The following FILIP1L variants were observed in gnomAD, a reference collection of about 807,000 sequenced individuals.
FILIP1L encodes filamin A-interacting protein 1-like.
FILIP1L carries 55 observed loss-of-function variants against 96.6 expected under a neutral mutation model. The ratio of observed to expected loss-of-function variants is 0.57; its 90% CI spans 0.46 to 0.71. The LOEUF (loss-of-function observed/expected upper bound fraction) is 0.71. Among genes scored for constraint, FILIP1L ranks in the 30% least tolerant of loss-of-function variants. The pLI, the probability that FILIP1L is intolerant of heterozygous loss-of-function variation, is 0.00. For synonymous variants in FILIP1L, 467 were observed against 473.9 expected, an observed-to-expected ratio of 0.99 and a Z score of 0.19; for missense variants, 1,304 against 1,321.2, an observed-to-expected ratio of 0.99 and a Z score of 0.20.
chr3:99,909,935 T>C (rs754342234), intron 4 of FILIP1L, among the ~76,000 whole-genome samples: 3 of 138,634 alleles, frequency 2.2e-5, no homozygotes, highest in Non-Finnish European at 5.0e-5. Context: ...ACAAGAGCTG[T>C]TGTCATCTGA....
In FILIP1L at chr3:100,039,057, GA is replaced by G. The variant is rs200686065; in HGVS notation, c.-11+74995del. Among the ~76,000 whole-genome samples the G allele has an allele frequency of 4.6e-3, 703 of 152,242 alleles. 5 individuals carry two copies. The highest frequency in any genetic ancestry group is 0.016 in the African/African-American group (670 of 41,538). On this transcript the variant is annotated intron_variant, in intron 1 of 5. Coordinates refer to ENST00000477258, the MANE Select transcript of FILIP1L (RefSeq NM_001387850.1). ...ATTAATTCAGCAATAACAGATGTTG[GA>G]AAAACTCCTAAATTTAATGCTTATA... is the stretch of plus-strand genomic sequence containing the variant.
At chr3:99,836,223 T>C (rs922521799) in intron 5 of FILIP1L, among the ~76,000 whole-genome samples, 7 of 152,110 alleles carry the variant, frequency 4.6e-5, no homozygotes, top group African/African-American at 1.7e-4. Context: ...GGAGTAGTAG[T>C]ACAAATAAGT....
chr3:99,882,409 A>G (rs1340289328), intron 4 of FILIP1L, among the ~76,000 whole-genome samples: 2 of 152,214 alleles, frequency 1.3e-5, no homozygotes, highest in Non-Finnish European at 2.9e-5. Flanking sequence ...GTAAGACTAA[A>G]TCTTCCACTT....
intron 1 of FILIP1L, among the ~76,000 whole-genome samples, chr3:100,021,960 T>TGTGTGTGTGAGAGAGA (rs1321185364): frequency 1.1e-5 from 1 of 93,290 alleles, no homozygotes; most frequent in South Asian, 4.4e-4. Flanking sequence ...TGTGTGTGTG[T>TGTGTGTGTGAGAGAGA]GAGAGAGAGA....
At chr3:99,942,896 G>C (rs916231310) in intron 1 of FILIP1L, among the ~76,000 whole-genome samples, 2 of 152,046 alleles carry the variant, frequency 1.3e-5, no homozygotes, top group Admixed American at 6.6e-5. Context: ...ATGGGGGAAA[G>C]GGGAGAAAAG....
chr3:99,854,481 G>A (rs1943856889), intron 4 of FILIP1L, among the ~76,000 whole-genome samples: 1 of 152,088 alleles, frequency 6.6e-6, no homozygotes, highest in South Asian at 2.1e-4. Context: ...GTCAAATTAT[G>A]ACTCCTTTTT....
chr3:99,885,189 C>T (rs1181885792), intron 4 of FILIP1L, among the ~76,000 whole-genome samples: 3 of 152,200 alleles, frequency 2.0e-5, no homozygotes, highest in Non-Finnish European at 2.9e-5. Flanking sequence ...CACACAGAAG[C>T]AGCCTTCAGT....
chr3:100,092,968 A>G (rs936297187), intron 1 of FILIP1L, among the ~76,000 whole-genome samples: 8 of 152,000 alleles, frequency 5.3e-5, no homozygotes, highest in Non-Finnish European at 7.4e-5. Flanking sequence ...CTCACTACCT[A>G]TGGATCCAGC....
intron 1 of FILIP1L, among the ~76,000 whole-genome samples, chr3:99,985,387 C>T (rs1709308034): frequency 6.6e-6 from 1 of 151,912 alleles, no homozygotes; most frequent in Non-Finnish European, 1.5e-5. Flanking sequence ...GAAAAATTAG[C>T]TGGGCATGGT....
intron 5 of FILIP1L, among the ~76,000 whole-genome samples, chr3:99,846,880 G>A (rs145095771): frequency 3.9e-5 from 6 of 152,238 alleles, no homozygotes; most frequent in African/African-American, 1.4e-4. Context: ...TTAGAAAAAG[G>A]GAAATGGCAA....
chr3:99,992,464 CT>C (rs1709552532), intron 1 of FILIP1L, among the ~76,000 whole-genome samples: 1 of 151,862 alleles, frequency 6.6e-6, no homozygotes, highest in Non-Finnish European at 1.5e-5. Flanking sequence ...GCTTGTATGT[CT>C]TCTTTTGAAA....
chr3:100,046,426 CT>C (rs77328793), intron 1 of FILIP1L, among the ~76,000 whole-genome samples: 1,782 of 142,896 alleles, frequency 0.012, 18 homozygotes, highest in South Asian at 0.037. Context: ...AGTAAACAAC[CT>C]TTTTTTTTTT....
intron 1 of FILIP1L, among the ~76,000 whole-genome samples, chr3:100,036,189 G>A (rs1420318066): frequency 6.6e-6 from 1 of 152,122 alleles, no homozygotes; most frequent in Non-Finnish European, 1.5e-5. Context: ...AACTAAAAAG[G>A]TCTAGAATCA....
At position 99,849,303 on chromosome 3, in the gene FILIP1L, G is replaced by A. The variant is rs148447244; in HGVS notation, c.2373C>T (p.Ser791=). The A allele has an allele frequency of 3.9e-4, 635 of 1,614,092 alleles. 2 individuals carry two copies. The African/African-American group carries it at 7.3e-3, about 18-fold the overall frequency. ...LRPSLNGRRI[S]DPQVFSKEVQ... is the part of the protein sequence containing the mutation. ...CTTCTTTAGAAAATACTTGAGGATC[G>A]GAAATTCTTCTTCCATTGAGACTAG... The change falls in exon 5 of 6, where the codon TCC becomes TCT. Residue 791 remains serine (S), a synonymous_variant. Coordinates refer to ENST00000477258, the MANE Select transcript of FILIP1L (RefSeq NM_001387850.1).
chr3:99,864,988 C>T (rs1396791938), intron 4 of FILIP1L, among the ~76,000 whole-genome samples: 1 of 152,112 alleles, frequency 6.6e-6, no homozygotes. Context: ...TGGTAGGGAA[C>T]AGTACCTGGT....
intron 1 of FILIP1L, among the ~76,000 whole-genome samples, chr3:100,076,406 CCTT>C (rs1044769991): frequency 6.6e-5 from 10 of 152,328 alleles, no homozygotes; most frequent in African/African-American, 2.4e-4. Flanking sequence ...CGCCCAACAC[CCTT>C]CTTTTTCTTT....
At chr3:100,013,496 G>A (rs903356107) in intron 1 of FILIP1L, among the ~76,000 whole-genome samples, 4 of 151,858 alleles carry the variant, frequency 2.6e-5, no homozygotes, top group African/African-American at 7.3e-5. Flanking sequence ...CATCCACCTC[G>A]GCCTCCCAAA....
chr3:99,848,564 G>C lies in FILIP1L; in HGVS notation c.3112C>G (p.Arg1038Gly), dbSNP rs200133385. The change falls in exon 5 of 6, where the codon CGG (arginine) becomes GGG (glycine). Residue 1038 changes from arginine (R) to glycine (G), a missense_variant. Transcript: ENST00000477258. The stretch of plus-strand genomic sequence containing the variant: ...CGCTGAAACTGCCATGATGACTGCC[G>C]GTCTGGGGAGACTCTGAATATCGCA... ...KHAIFRVSPD[R>G]QSSWQFQRSN... 228 of 1,613,998 alleles carry C rather than the reference G, an allele frequency of 1.4e-4. No individual in the cohort carries two copies. Among genetic ancestry groups the C allele is most frequent in the Non-Finnish European group, 1.9e-4 (221 of 1,180,006 alleles).
At chr3:99,866,172 T>G (rs904456023) in intron 4 of FILIP1L, among the ~76,000 whole-genome samples, 2 of 146,200 alleles carry the variant, frequency 1.4e-5, no homozygotes, top group East Asian at 2.0e-4. Flanking sequence ...TAAGCCTGTG[T>G]TTTTTTTTTT....
Sources: allele counts gnomAD v4.1 joint callset (sites outside exome capture counted in the v4.1 genomes callset), GRCh38; gene constraint gnomAD v4.1.1; transcripts MANE v1.5; gene names NCBI Gene and HGNC (gene_info 2026-07-23, HGNC 2026-07-21).